The following RSPO2 variants were observed in gnomAD, a reference collection of about 807,000 sequenced individuals.
The protein encoded by RSPO2 is R-spondin 2.
In RSPO2, 14 loss-of-function variants were observed where a neutral mutation model predicts 30.9. The ratio of observed to expected loss-of-function variants is 0.45; its 90% confidence interval spans 0.30 to 0.71. The LOEUF (loss-of-function observed/expected upper bound fraction) is 0.71. Among genes scored for constraint, RSPO2 ranks in the 30% least tolerant of loss-of-function variants. The pLI, the probability that RSPO2 is intolerant of heterozygous loss-of-function variation, is 0.08. For missense variants in RSPO2, 264 were observed against 301.9 expected (o/e 0.87, Z 0.93); for synonymous variants, 107 against 96.4 (o/e 1.11, Z -0.64).
At chr8:108,035,449 TTTTGTTTTGTTTG>T (rs1208455109) in intron 2 of RSPO2, among the ~76,000 whole-genome samples, 13 of 152,046 alleles carry the variant, frequency 8.6e-5, no homozygotes, top group African/African-American at 3.1e-4. Flanking sequence ...TGTTTTGTTT[TTTTGTTTTGTTTG>T]TTTGTTTTTG....
intron 2 of RSPO2, among the ~76,000 whole-genome samples, chr8:108,030,119 G>A (rs1390038554): frequency 1.1e-4 from 8 of 70,994 alleles, no homozygotes; most frequent in Admixed American, 3.6e-4. Flanking sequence ...GGATAGATAG[G>A]AAAAAAAAAA....
At chr8:107,919,401 A>T (rs969336732) in intron 5 of RSPO2, among the ~76,000 whole-genome samples, 2 of 152,292 alleles carry the variant, frequency 1.3e-5, no homozygotes, top group Middle Eastern at 3.4e-3. Context: ...AACAAAGACG[A>T]TAATAGCCCT....
intron 5 of RSPO2, among the ~76,000 whole-genome samples, chr8:107,929,981 T>G (rs1367661606): frequency 6.6e-6 from 1 of 152,184 alleles, no homozygotes; most frequent in Non-Finnish European, 1.5e-5. Context: ...GATTTTCAGG[T>G]GATTCTGATG....
chr8:107,978,374 C>A (rs1412284882), intron 3 of RSPO2, among the ~76,000 whole-genome samples: 1 of 152,010 alleles, frequency 6.6e-6, no homozygotes, highest in African/African-American at 2.4e-5. Flanking sequence ...TTGCAGTGAG[C>A]CAAGATCATG....
At chr8:107,930,810 T>C (rs1378723282) in intron 5 of RSPO2, among the ~76,000 whole-genome samples, 1 of 152,160 alleles carries the variant, frequency 6.6e-6, no homozygotes, top group Admixed American at 6.6e-5. Flanking sequence ...GAGCCAGGCA[T>C]TGAGGTTTGC....
At chr8:108,024,636 A>C (rs1001835183) in intron 2 of RSPO2, among the ~76,000 whole-genome samples, 1 of 152,200 alleles carries the variant, frequency 6.6e-6, no homozygotes, top group Admixed American at 6.5e-5. Context: ...GGTAGAAGGG[A>C]TGGGGTATGA....
intron 2 of RSPO2, among the ~76,000 whole-genome samples, chr8:108,016,098 A>G (rs1006695049): frequency 6.6e-6 from 1 of 152,170 alleles, no homozygotes; most frequent in African/African-American, 2.4e-5. Context: ...AAGCTGGGAA[A>G]GAGGATATGG....
intron 5 of RSPO2, among the ~76,000 whole-genome samples, chr8:107,933,925 T>A (rs1313181489): frequency 1.3e-5 from 2 of 152,200 alleles, no homozygotes; most frequent in African/African-American, 2.4e-5. Flanking sequence ...ACCACATTTT[T>A]AATATATTTT....
chr8:107,943,664 T>C (rs1812969131), intron 5 of RSPO2, among the ~76,000 whole-genome samples: 1 of 152,218 alleles, frequency 6.6e-6, no homozygotes, highest in Non-Finnish European at 1.5e-5. Context: ...CAAATAACTC[T>C]TAATTCAAAG....
intron 2 of RSPO2, among the ~76,000 whole-genome samples, chr8:108,001,857 G>T (rs574054073): frequency 6.6e-6 from 1 of 152,058 alleles, no homozygotes; most frequent in Admixed American, 6.6e-5. Context: ...CACAGAGAGG[G>T]GAACATCACA....
intron 2 of RSPO2, among the ~76,000 whole-genome samples, chr8:108,081,366 C>A (rs1200588661): frequency 6.6e-6 from 1 of 152,194 alleles, no homozygotes; most frequent in African/African-American, 2.4e-5. Flanking sequence ...GAGTTATAAA[C>A]AAATCACATC....
chr8:108,064,101 T>C (rs1311512345), intron 2 of RSPO2, among the ~76,000 whole-genome samples: 1 of 152,096 alleles, frequency 6.6e-6, no homozygotes, highest in Non-Finnish European at 1.5e-5. Context: ...GGCAATACCA[T>C]TCAGGACATA....
chr8:108,010,532 A>G (rs1404903746), intron 2 of RSPO2, among the ~76,000 whole-genome samples: 3 of 152,152 alleles, frequency 2.0e-5, no homozygotes, highest in Non-Finnish European at 4.4e-5. Flanking sequence ...ACACTCCAAG[A>G]AGAGTTCAGA....
At chr8:108,069,805 C>T (rs1812783508) in intron 2 of RSPO2, among the ~76,000 whole-genome samples, 1 of 152,200 alleles carries the variant, frequency 6.6e-6, no homozygotes, top group Admixed American at 6.5e-5. Context: ...CCAAATGTAA[C>T]TCACGAAAGT....
At chr8:108,039,667 A>G (rs573320224) in intron 2 of RSPO2, among the ~76,000 whole-genome samples, 17 of 152,142 alleles carry the variant, frequency 1.1e-4, no homozygotes, top group Admixed American at 2.0e-4. Flanking sequence ...TCCAGCCTCC[A>G]CTCTAGGCTG....
chr8:108,049,174 C>A (rs1811998409), intron 2 of RSPO2, among the ~76,000 whole-genome samples: 1 of 151,708 alleles, frequency 6.6e-6, no homozygotes, highest in African/African-American at 2.4e-5. Flanking sequence ...GTGCAGCAAA[C>A]CAACATGGCA....
chr8:107,989,129 C>T lies in RSPO2; in HGVS notation c.210G>A (p.Gln70=). ...FFFLRREGMR[Q]YGECLHSCPS... is the part of the protein sequence containing the mutation. ...GGCAGGAATGCAGGCACTCTCCATA[C>T]TGGCGCATCCCTTCTCTTCGAAGGA... The change falls in exon 3 of 6, where the codon CAG becomes CAA. Residue 70 remains glutamine, a synonymous_variant. Coordinates refer to ENST00000276659, the MANE Select transcript of RSPO2 (RefSeq NM_178565.5). The T allele has an allele frequency of 6.2e-7, 1 of 1,612,402 alleles. No individual in the cohort carries two copies. The highest frequency in any genetic ancestry group is 8.5e-7 in the Non-Finnish European group (1 of 1,179,636).
At position 108,082,757 on chromosome 8, in the gene RSPO2, C is replaced by T. The variant is rs985852647; in HGVS notation, c.-119G>A. On this transcript the variant is annotated 5_prime_UTR_variant, in exon 2 of 6. Transcript: ENST00000276659. ...CTCAGAGGGAGACTCGCCACTCACCCCCGGGCCGCACCGGTCAGTTCAGCG... is the reference window on the plus strand; with the variant it reads ...CTCAGAGGGAGACTCGCCACTCACCTCCGGGCCGCACCGGTCAGTTCAGCG... 2.0e-5 allele frequency: 15 copies of T among 749,374 alleles called. No homozygotes were observed. Among genetic ancestry groups the T allele is most frequent in the Non-Finnish European group, 3.1e-5 (14 of 447,578 alleles). 46.4% of individuals were successfully genotyped at this position (749,374 alleles called of 1,614,324 possible).
intron 2 of RSPO2, among the ~76,000 whole-genome samples, chr8:108,026,518 T>C (rs957001925): frequency 6.6e-6 from 1 of 152,124 alleles, no homozygotes; most frequent in Admixed American, 6.6e-5. Context: ...CTCCAACTTA[T>C]AAAATTTCAG....
Sources: gnomAD v4.1 joint callset for allele counts (sites outside exome capture counted in the v4.1 genomes callset) on GRCh38, gnomAD v4.1.1 for gene constraint, MANE v1.5 for transcripts, NCBI Gene and HGNC (gene_info 2026-07-23, HGNC 2026-07-21) for gene names.